The following SOCS6 variants were observed in gnomAD, a reference collection of about 807,000 sequenced individuals.
SOCS6 encodes STAT induced STAT inhibitor-4.
SOCS6 carries 5 observed loss-of-function variants against 27.7 expected under a neutral mutation model. That is an observed-to-expected ratio of 0.18 (90% CI 0.09 to 0.38). The LOEUF (loss-of-function observed/expected upper bound fraction) is 0.38. Among genes scored for constraint, SOCS6 ranks in the 10% least tolerant of loss-of-function variants. The pLI is 1.00. For synonymous variants in SOCS6, 271 were observed against 260.0 expected (o/e 1.04, Z -0.41); for missense variants, 595 against 688.1 (o/e 0.86, Z 1.51).
intron 1 of SOCS6, among the ~76,000 whole-genome samples, chr18:70,299,900 G>A (rs2062340750): frequency 6.6e-6 from 1 of 152,134 alleles, no homozygotes; most frequent in South Asian, 2.1e-4. Context: ...AAAGTATGGG[G>A]AGGATGTACA....
In SOCS6 at chr18:70,325,951, C is replaced by T. The variant is rs373205534; in HGVS notation, c.1283C>T (p.Thr428Ile). ...TTGAGCTTTCGCTCCCATGGTAAAACACTTCACACTAGAATTGAGCACTCA... is the reference window on the plus strand; with the variant it reads ...TTGAGCTTTCGCTCCCATGGTAAAATACTTCACACTAGAATTGAGCACTCA... ...LSLSFRSHGK[T>I]LHTRIEHSNG... is the part of the protein sequence containing the mutation. Residue 428 changes from threonine (T) to isoleucine (I), a missense_variant, in exon 2 of 2, where the codon ACA (threonine) becomes ATA (isoleucine). Physicochemically the swap from Thr to Ile is moderately conservative, Grantham distance 89. Coordinates refer to ENST00000397942, the MANE Select transcript of SOCS6 (RefSeq NM_004232.4). The surrounding 1 kb of genome is among the most constrained non-coding windows in gnomAD (Gnocchi z 6.3). 1 of 1,614,112 alleles carries T rather than the reference C, an allele frequency of 6.2e-7. No individual in the cohort carries two copies. The highest frequency in any genetic ancestry group is 8.5e-7 in the Non-Finnish European group (1 of 1,180,046).
intron 1 of SOCS6, among the ~76,000 whole-genome samples, chr18:70,302,372 T>C (rs1383215549): frequency 6.6e-6 from 1 of 151,756 alleles, no homozygotes; most frequent in Non-Finnish European, 1.5e-5. Context: ...AGAGGGAAGG[T>C]GTGAAATGGT....
At chr18:70,302,700 T>A (rs2062353513) in intron 1 of SOCS6, among the ~76,000 whole-genome samples, 2 of 152,242 alleles carry the variant, frequency 1.3e-5, no homozygotes, top group South Asian at 4.2e-4. Flanking sequence ...GCTGGTAGGC[T>A]TATCACTCTT....
rs1340781555 is a variant in SOCS6, at chr18:70,325,811, G to A, written c.1143G>A (p.Lys381=). The A allele has an allele frequency of 1.2e-6, 2 of 1,614,116 alleles. No individual in the cohort carries two copies. The highest frequency in any genetic ancestry group is 2.2e-5 in the East Asian group (1 of 44,896). ...SLTEELKKLA[K]QGWYWGPITR... ...CAGAGGAGCTGAAAAAACTTGCAAA[G>A]CAAGGATGGTACTGGGGACCAATCA... The change falls in exon 2 of 2, where the codon AAG becomes AAA. Residue 381 remains lysine (K), a synonymous_variant. Transcript: ENST00000397942. This position sits in a 1 kb window ranked among gnomAD's most constrained non-coding sequence, Gnocchi z 6.3.
chr18:70,324,614 G>T lies in SOCS6; in HGVS notation c.-55G>T. The T allele has an allele frequency of 8.2e-7, 1 of 1,221,970 alleles. No individual in the cohort carries two copies. The highest frequency in any genetic ancestry group is 1.2e-6 in the Non-Finnish European group (1 of 865,324). 75.7% of individuals were successfully genotyped at this position (1,221,970 alleles called of 1,614,324 possible). A position where few individuals can be genotyped will look rare whatever the true frequency, so the allele number is the denominator to read the frequency against. ...AGCCTTGCAGCCTCTCCAGATGTTT[G>T]GGGATAATATTCCAGATAGAAATAT... On this transcript the variant is annotated 5_prime_UTR_variant, in exon 2 of 2. Coordinates refer to ENST00000397942, the MANE Select transcript of SOCS6 (RefSeq NM_004232.4).
At chr18:70,322,975 G>C (rs895354692) in intron 1 of SOCS6, among the ~76,000 whole-genome samples, 3 of 152,128 alleles carry the variant, frequency 2.0e-5, no homozygotes, top group Non-Finnish European at 1.5e-5. Context: ...TCATACATCT[G>C]TCTCTCCTAC....
intron 1 of SOCS6, among the ~76,000 whole-genome samples, chr18:70,310,740 G>A (rs1219062556): frequency 1.3e-5 from 2 of 152,050 alleles, no homozygotes; most frequent in African/African-American, 4.8e-5. Flanking sequence ...GTGGACTCTC[G>A]TCTCCCGTCT....
Position 70,326,416 on chromosome 18 carries a change from T to C in SOCS6, c.*140T>C, listed in dbSNP as rs532013020. Reference sequence around the variant, plus strand: ...TGTGTAAAAGAGTCATCAGTTTGTTTAGGGGTGGGGAAGTGTCAGCAAGGT... The same window carrying C: ...TGTGTAAAAGAGTCATCAGTTTGTTCAGGGGTGGGGAAGTGTCAGCAAGGT... On this transcript the variant is annotated 3_prime_UTR_variant, in exon 2 of 2. Transcript: ENST00000397942. 2,436 of 756,344 alleles carry C rather than the reference T, an allele frequency of 3.2e-3. 1 individual carries two copies. Among genetic ancestry groups the C allele is most frequent in the Non-Finnish European group, 3.8e-3 (1,789 of 467,192 alleles). The allele number at this position is 756,344 out of a possible 1,614,324, so 46.9% of individuals were successfully genotyped here.
chr18:70,322,802 G>C (rs910834965), intron 1 of SOCS6, among the ~76,000 whole-genome samples: 1 of 152,108 alleles, frequency 6.6e-6, no homozygotes, highest in Non-Finnish European at 1.5e-5. Flanking sequence ...CCCCTGATAG[G>C]TTGTCTAATC....
At position 70,326,498 on chromosome 18, in the gene SOCS6, G is replaced by T. The variant is rs1440769112; in HGVS notation, c.*222G>T. 3 of 533,496 alleles carry T rather than the reference G, an allele frequency of 5.6e-6. No homozygotes were observed. Among genetic ancestry groups the T allele is most frequent in the African/African-American group, 3.8e-5 (2 of 52,274 alleles). The allele number at this position is 533,496 out of a possible 1,614,324, so 33.0% of individuals were successfully genotyped here. A position where few individuals can be genotyped will look rare whatever the true frequency, so the allele number is the denominator to read the frequency against. On this transcript the variant is annotated 3_prime_UTR_variant, in exon 2 of 2. Transcript: ENST00000397942. ...GGAAGTCTTGAGGTTTTAGAGGTGT[G>T]AATTATGTTTCATCAATGTGCAGAA...
In SOCS6 at chr18:70,328,609, ATACTT is replaced by A. The variant is rs951160472; in HGVS notation, c.*2336_*2340del. ...ATGCGCTTTTGTATATTCATAATAT[ATACTT>A]TAATATGCCCTATTCTAATCTAGTT... On this transcript the variant is annotated 3_prime_UTR_variant, in exon 2 of 2. Coordinates refer to ENST00000397942, the MANE Select transcript of SOCS6 (RefSeq NM_004232.4). 2.4e-5 allele frequency: 4 copies of A among 167,006 alleles called. No homozygotes were observed. Among genetic ancestry groups the A allele is most frequent in the Non-Finnish European group, 5.9e-5 (4 of 68,128 alleles). 10.3% of individuals were successfully genotyped at this position (167,006 alleles called of 1,614,324 possible).
chr18:70,304,254 A>G, intron 1 of SOCS6, among the ~76,000 whole-genome samples: 1 of 152,184 alleles, frequency 6.6e-6, no homozygotes, highest in East Asian at 1.9e-4. Context: ...GAAAAGACAC[A>G]GGATGATCTG....
chr18:70,307,944 T>C (rs1000676509), intron 1 of SOCS6, among the ~76,000 whole-genome samples: 1 of 152,224 alleles, frequency 6.6e-6, no homozygotes, highest in Non-Finnish European at 1.5e-5. Context: ...TGATTTGAGA[T>C]ATAGGCATTT....
intron 1 of SOCS6, among the ~76,000 whole-genome samples, chr18:70,297,498 C>A (rs1166700291): frequency 6.6e-6 from 1 of 152,170 alleles, no homozygotes; most frequent in Non-Finnish European, 1.5e-5. Context: ...ACATCTGTGT[C>A]ACTGAGTTCA....
chr18:70,326,560 C>A lies in SOCS6; in HGVS notation c.*284C>A. ...TGAATTATCAAATTCTCCTCAATGC[C>A]CCCCCCGCCCAGTCCTTTGCTGCTA... On this transcript the variant is annotated 3_prime_UTR_variant, in exon 2 of 2. Coordinates refer to ENST00000397942, the MANE Select transcript of SOCS6 (RefSeq NM_004232.4). 2 of 360,444 alleles carry A rather than the reference C, an allele frequency of 5.5e-6. No individual in the cohort carries two copies. Among genetic ancestry groups the A allele is most frequent in the Non-Finnish European group, 1.0e-5 (2 of 190,728 alleles). The allele number at this position is 360,444 out of a possible 1,614,324, so 22.3% of individuals were successfully genotyped here. A position where few individuals can be genotyped will look rare whatever the true frequency, so the allele number is the denominator to read the frequency against.
At chr18:70,289,825 C>T (rs1249355136) in intron 1 of SOCS6, among the ~76,000 whole-genome samples, 2 of 152,164 alleles carry the variant, frequency 1.3e-5, no homozygotes, top group Non-Finnish European at 2.9e-5. Context: ...GGGACCGACA[C>T]GGGCCTGAAT....
At chr18:70,313,053 T>C (rs1217420401) in intron 1 of SOCS6, among the ~76,000 whole-genome samples, 3 of 152,202 alleles carry the variant, frequency 2.0e-5, no homozygotes, top group Non-Finnish European at 4.4e-5. Flanking sequence ...GTGCTGGGAT[T>C]ACAGGCGTGA....
At chr18:70,307,899 T>G (rs1472052706) in intron 1 of SOCS6, among the ~76,000 whole-genome samples, 1 of 152,234 alleles carries the variant, frequency 6.6e-6, no homozygotes, top group African/African-American at 2.4e-5. Context: ...GGTTTAGTTA[T>G]TTTCTAATTT....
rs528408639 is a variant in SOCS6, at chr18:70,329,571, T to C, written c.*3295T>C. On this transcript the variant is annotated 3_prime_UTR_variant, in exon 2 of 2. Transcript: ENST00000397942. Reference sequence around the variant, plus strand: ...TTTATGAATGAATCGGAATAATACATTTTCATTTAAATCTTAATTGCTTTT... The same window carrying C: ...TTTATGAATGAATCGGAATAATACACTTTCATTTAAATCTTAATTGCTTTT... 1 of 167,220 alleles carries C rather than the reference T, an allele frequency of 6.0e-6. No individual in the cohort carries two copies. Among genetic ancestry groups the C allele is most frequent in the African/African-American group, 2.4e-5 (1 of 41,586 alleles). 10.4% of individuals were successfully genotyped at this position (167,220 alleles called of 1,614,324 possible). A position where few individuals can be genotyped will look rare whatever the true frequency, so the allele number is the denominator to read the frequency against.
Sources: allele counts gnomAD v4.1 joint callset (sites outside exome capture counted in the v4.1 genomes callset), GRCh38; gene constraint gnomAD v4.1.1; non-coding constraint Gnocchi (gnomAD v3.1); transcripts MANE v1.5; gene names NCBI Gene and HGNC (gene_info 2026-07-23, HGNC 2026-07-21).